The following REDIC1 variants were observed in gnomAD, a reference collection of about 807,000 sequenced individuals.
REDIC1 encodes the protein regulator of DNA class I crossover intermediates 1.
chr12:39,783,231 T>C, the REDIC1 span, among the ~76,000 whole-genome samples: 2 of 152,224 alleles, frequency 1.3e-5, no homozygotes, highest in East Asian at 1.9e-4. Flanking sequence ...TAGTATTCCA[T>C]GGTGTATATG....
chr12:39,881,544 G>A, the REDIC1 span, among the ~76,000 whole-genome samples: 1 of 152,120 alleles, frequency 6.6e-6, no homozygotes, highest in African/African-American at 2.4e-5. Flanking sequence ...AGGAGTCTAA[G>A]ATTTTCAGAT....
At chr12:39,657,867 A>G in the REDIC1 span, among the ~76,000 whole-genome samples, 3 of 151,816 alleles carry the variant, frequency 2.0e-5, no homozygotes, top group Non-Finnish European at 2.9e-5. Flanking sequence ...ATTGCATTGA[A>G]TTCTGCTTTT....
the REDIC1 span, among the ~76,000 whole-genome samples, chr12:39,747,825 C>A: frequency 6.6e-6 from 1 of 152,124 alleles, no homozygotes; most frequent in East Asian, 1.9e-4. Flanking sequence ...TCCAGCCAAA[C>A]TAAGCTTCAT....
At chr12:39,783,221 T>C in the REDIC1 span, among the ~76,000 whole-genome samples, 1 of 152,332 alleles carries the variant, frequency 6.6e-6, no homozygotes, top group Admixed American at 6.5e-5. Flanking sequence ...TATAGCTGCA[T>C]AGTATTCCAT....
chr12:39,716,993 A>G, the REDIC1 span, among the ~76,000 whole-genome samples: 1 of 152,040 alleles, frequency 6.6e-6, no homozygotes, highest in African/African-American at 2.4e-5. Flanking sequence ...TAAAAAGTAC[A>G]TTTAAAAATG....
At chr12:39,729,155 T>C in the REDIC1 span, among the ~76,000 whole-genome samples, 7 of 152,172 alleles carry the variant, frequency 4.6e-5, no homozygotes, top group African/African-American at 1.7e-4. Context: ...TGTCTCTATC[T>C]CCTTTAGTTC....
chr12:39,717,699 C>T, the REDIC1 span, among the ~76,000 whole-genome samples: 1 of 152,054 alleles, frequency 6.6e-6, no homozygotes, highest in Non-Finnish European at 1.5e-5. Context: ...AATTCTTCTT[C>T]TACTGTTTAC....
At chr12:39,842,611 T>A in the REDIC1 span, among the ~76,000 whole-genome samples, 5 of 152,016 alleles carry the variant, frequency 3.3e-5, no homozygotes, top group South Asian at 2.1e-4. Context: ...CACATATTTT[T>A]AAAAATTTTT....
At chr12:39,727,832 G>T in the REDIC1 span, among the ~76,000 whole-genome samples, 1 of 152,156 alleles carries the variant, frequency 6.6e-6, no homozygotes, top group Non-Finnish European at 1.5e-5. Flanking sequence ...ATTTCCTAGA[G>T]CAGTGGTTTG....
the REDIC1 span, among the ~76,000 whole-genome samples, chr12:39,763,822 C>G: frequency 1.4e-4 from 21 of 152,200 alleles, no homozygotes; most frequent in Admixed American, 7.2e-4. Flanking sequence ...GACTCAGCCA[C>G]TAAGCACTAT....
At chr12:39,653,223 T>C in the REDIC1 span, among the ~76,000 whole-genome samples, 1 of 152,090 alleles carries the variant, frequency 6.6e-6, no homozygotes, top group Non-Finnish European at 1.5e-5. Context: ...TAATATATTA[T>C]GGTTTTCAGG....
chr12:39,769,156 T>G, the REDIC1 span, among the ~76,000 whole-genome samples: 1 of 152,138 alleles, frequency 6.6e-6, no homozygotes, highest in Non-Finnish European at 1.5e-5. Flanking sequence ...TATTTTATCC[T>G]TTATTGTCTT....
chr12:39,666,757 C>G, the REDIC1 span, among the ~76,000 whole-genome samples: 1 of 152,060 alleles, frequency 6.6e-6, no homozygotes, highest in Non-Finnish European at 1.5e-5. Context: ...TGTTATTGGT[C>G]TATTCAGAGA....
the REDIC1 span, among the ~76,000 whole-genome samples, chr12:39,708,771 TC>T: frequency 6.6e-6 from 1 of 151,884 alleles, no homozygotes; most frequent in Non-Finnish European, 1.5e-5. Flanking sequence ...GCTTTTATTA[TC>T]TTTTTATAAA....
the REDIC1 span, among the ~76,000 whole-genome samples, chr12:39,643,624 T>C: frequency 6.6e-6 from 1 of 151,706 alleles, no homozygotes; most frequent in East Asian, 1.9e-4. Context: ...CTGCAAGTTA[T>C]GATTAATTGT....
chr12:39,749,715 C>A, the REDIC1 span, among the ~76,000 whole-genome samples: 1 of 152,146 alleles, frequency 6.6e-6, no homozygotes, highest in Non-Finnish European at 1.5e-5. Context: ...AAAGCTTATC[C>A]ACCATGATCA....
chr12:39,661,165 A>G, the REDIC1 span, among the ~76,000 whole-genome samples: 1 of 152,112 alleles, frequency 6.6e-6, no homozygotes, highest in East Asian at 1.9e-4. Flanking sequence ...TATTTGGATA[A>G]ATAGCCAGTA....
the REDIC1 span, among the ~76,000 whole-genome samples, chr12:39,809,975 A>C: frequency 1.8e-4 from 28 of 152,166 alleles, no homozygotes; most frequent in African/African-American, 6.8e-4. Context: ...CATATGTGTG[A>C]ATGTGTCTTA....
chr12:39,721,470 A>G, the REDIC1 span: 3 of 465,922 alleles, frequency 6.4e-6, no homozygotes, highest in Non-Finnish European at 7.5e-6. Context: ...TAGCTTTGGT[A>G]TATGGTAGAG....
Sources: gnomAD v4.1 joint callset for allele counts (sites outside exome capture counted in the v4.1 genomes callset) on GRCh38, gnomAD v4.1.1 for gene constraint, MANE v1.5 for transcripts, NCBI Gene and HGNC (gene_info 2026-07-23, HGNC 2026-07-21) for gene names.